Variants in CPQ observed in about 807,000 individuals in gnomAD.
CPQ encodes the protein Ser-Met dipeptidase.
CPQ carries 37 observed loss-of-function variants against 45.7 expected under a neutral mutation model. The ratio of observed to expected loss-of-function variants is 0.81; its 90% CI spans 0.62 to 1.07. CPQ has a LOEUF of 1.07. Ranked by LOEUF, CPQ falls within the 50% of genes least tolerant of loss-of-function variation. The pLI is 0.00. For synonymous variants in CPQ, 186 were observed against 205.8 expected (o/e 0.90, Z 0.82); for missense variants, 537 against 572.9 (o/e 0.94, Z 0.64).
At chr8:97,033,863 T>C (rs1395714589) in intron 6 of CPQ, among the ~76,000 whole-genome samples, 1 of 152,150 alleles carries the variant, frequency 6.6e-6, no homozygotes, top group African/African-American at 2.4e-5. Flanking sequence ...CATTATCCTT[T>C]CCTTAGTAAA....
chr8:97,023,472 G>C (rs1809745390), intron 5 of CPQ, among the ~76,000 whole-genome samples: 1 of 151,850 alleles, frequency 6.6e-6, no homozygotes, highest in African/African-American at 2.4e-5. Flanking sequence ...AATAACCTAT[G>C]GAAATAAAAA....
At chr8:96,725,751 A>G (rs1181830740) in intron 1 of CPQ, among the ~76,000 whole-genome samples, 1 of 152,218 alleles carries the variant, frequency 6.6e-6, no homozygotes, top group Non-Finnish European at 1.5e-5. Flanking sequence ...CCAAAAGAAA[A>G]TAAATCATTT....
rs567033915 is a variant in CPQ at position 96,863,052 on chromosome 8, A to T, written c.642-16746A>T. 5.9e-5 allele frequency among the ~76,000 whole-genome samples: 9 copies of T among 152,218 alleles called. No homozygotes were observed. In the East Asian group the frequency reaches 1.7e-3, roughly 29 times the overall value. On this transcript the variant is annotated intron_variant, in intron 3 of 7. Coordinates refer to ENST00000220763, the MANE Select transcript of CPQ (RefSeq NM_016134.4). ...TAGCCTTCTACATGAGAAAAGAATG[A>T]ACTACCTTGTTGAAGCCTCTGAGAT...
At chr8:97,011,759 T>G (rs1809488848) in intron 5 of CPQ, among the ~76,000 whole-genome samples, 1 of 152,216 alleles carries the variant, frequency 6.6e-6, no homozygotes, top group Admixed American at 6.5e-5. Flanking sequence ...TAAAAACATT[T>G]AGCACAGTGA....
intron 3 of CPQ, among the ~76,000 whole-genome samples, chr8:96,870,691 A>G (rs1028808815): frequency 6.6e-6 from 1 of 152,010 alleles, no homozygotes; most frequent in African/African-American, 2.4e-5. Context: ...TAATGTGTGA[A>G]AAGCACACAG....
intron 6 of CPQ, among the ~76,000 whole-genome samples, chr8:97,049,377 G>A (rs915868047): frequency 2.0e-5 from 3 of 152,194 alleles, no homozygotes; most frequent in Admixed American, 6.5e-5. Flanking sequence ...TGCCAGCTGC[G>A]ACAGTCTGGC....
At chr8:97,117,403 A>G (rs1811613332) in intron 7 of CPQ, among the ~76,000 whole-genome samples, 1 of 152,208 alleles carries the variant, frequency 6.6e-6, no homozygotes, top group East Asian at 1.9e-4. Flanking sequence ...GAAAAGTTCT[A>G]TATTCTAGGA....
chr8:96,775,665 C>A (rs1363914836), intron 1 of CPQ, among the ~76,000 whole-genome samples: 1 of 152,176 alleles, frequency 6.6e-6, no homozygotes, highest in Non-Finnish European at 1.5e-5. Flanking sequence ...TTCGTATACA[C>A]AATAGAGTTA....
At chr8:96,706,899 A>G (rs1809536770) in intron 1 of CPQ, among the ~76,000 whole-genome samples, 1 of 152,182 alleles carries the variant, frequency 6.6e-6, no homozygotes, top group East Asian at 1.9e-4. Context: ...CCACAAAGGT[A>G]GGAGTAAGCT....
At chr8:96,921,701 T>C (rs116570675) in intron 4 of CPQ, among the ~76,000 whole-genome samples, 1,754 of 152,296 alleles carry the variant, frequency 0.012, 26 homozygotes, top group African/African-American at 0.04. Flanking sequence ...GAAAATACAG[T>C]ACACCTTTCC....
chr8:96,687,999 ATT>A (rs958140340), intron 1 of CPQ, among the ~76,000 whole-genome samples: 40 of 151,270 alleles, frequency 2.6e-4, no homozygotes, highest in Non-Finnish European at 5.3e-4. Context: ...TCTGAAAAAA[ATT>A]TTTTTTTGCT....
intron 5 of CPQ, among the ~76,000 whole-genome samples, chr8:96,997,540 T>C (rs144585100): frequency 6.6e-6 from 1 of 152,108 alleles, no homozygotes; most frequent in African/African-American, 2.4e-5. Flanking sequence ...TGTTTTTAAA[T>C]TCCAAATAAC....
intron 1 of CPQ, among the ~76,000 whole-genome samples, chr8:96,768,195 T>C (rs1211422878): frequency 6.6e-6 from 1 of 152,210 alleles, no homozygotes; most frequent in East Asian, 1.9e-4. Context: ...TGTGCCCTGA[T>C]GTAGTGCTAC....
intron 4 of CPQ, among the ~76,000 whole-genome samples, chr8:96,892,963 T>C (rs894211250): frequency 3.3e-5 from 5 of 152,202 alleles, no homozygotes; most frequent in African/African-American, 1.2e-4. Flanking sequence ...ATTTATAGAA[T>C]ACTTAGTACA....
intron 6 of CPQ, among the ~76,000 whole-genome samples, chr8:97,062,417 T>A (rs1040127084): frequency 2.0e-5 from 3 of 152,100 alleles, no homozygotes; most frequent in Non-Finnish European, 1.5e-5. Flanking sequence ...GTCCAACTCA[T>A]CAGGCTGCTC....
At chr8:96,896,091 A>G (rs1812438604) in intron 4 of CPQ, among the ~76,000 whole-genome samples, 1 of 152,064 alleles carries the variant, frequency 6.6e-6, no homozygotes, top group African/African-American at 2.4e-5. Flanking sequence ...AATCAAAGCA[A>G]ATGAGGGCAC....
At chr8:96,969,395 CT>C (rs1361309540) in intron 5 of CPQ, among the ~76,000 whole-genome samples, 1 of 151,908 alleles carries the variant, frequency 6.6e-6, no homozygotes, top group Middle Eastern at 3.4e-3. Context: ...CCTTTAAGTC[CT>C]TGAAGTAGGA....
At chr8:97,062,800 T>C (rs1158694054) in intron 6 of CPQ, among the ~76,000 whole-genome samples, 1 of 152,220 alleles carries the variant, frequency 6.6e-6, no homozygotes, top group Non-Finnish European at 1.5e-5. Context: ...GCAAAGGACA[T>C]GATCTCATTA....
chr8:96,718,869 G>T lies in CPQ; in HGVS notation c.-34-65995G>T, dbSNP rs180845375. Among the ~76,000 whole-genome samples the T allele has an allele frequency of 1.8e-3, 280 of 152,246 alleles. 2 individuals carry two copies. The highest frequency in any genetic ancestry group is 6.5e-3 in the African/African-American group (270 of 41,558). On this transcript the variant is annotated intron_variant, in intron 1 of 7. Coordinates refer to ENST00000220763, the MANE Select transcript of CPQ (RefSeq NM_016134.4). ...AGCTAGATACAGAGTGTCAATTGGT[G>T]CATTCACAAACCCTGAGCTAGACAC...
Sources: gnomAD v4.1 joint callset for allele counts (sites outside exome capture counted in the v4.1 genomes callset) on GRCh38, gnomAD v4.1.1 for gene constraint, MANE v1.5 for transcripts, NCBI Gene and HGNC (gene_info 2026-07-23, HGNC 2026-07-21) for gene names.